ARHGAP35: variants seen among roughly 807,000 people sequenced by gnomAD.
The protein encoded by ARHGAP35 is Rho GTPase activating protein 35.
Under a neutral mutation model 111.1 loss-of-function variants are expected in ARHGAP35, and 15 were observed. The observed-to-expected ratio is 0.13, with a 90% CI of 0.09 to 0.21. The LOEUF (loss-of-function observed/expected upper bound fraction) is 0.21. Among genes scored for constraint, ARHGAP35 ranks in the 10% least tolerant of loss-of-function variants. ARHGAP35 has a pLI of 1.00. For synonymous variants in ARHGAP35, 643 were observed against 710.3 expected (o/e 0.91, Z 1.51); for missense variants, 1,262 against 1,873.0 (o/e 0.67, Z 6.02).
chr19:46,876,376 A>T (rs990436181), intron 1 of ARHGAP35, among the ~76,000 whole-genome samples: 8 of 147,814 alleles, frequency 5.4e-5, no homozygotes, highest in South Asian at 2.2e-4. Flanking sequence ...TTTTTTTTAA[A>T]TTTTTTTTTT....
Position 46,935,633 on chromosome 19 carries a change from G to A in ARHGAP35, c.3682-1631G>A, listed in dbSNP as rs563243954. ...AATCCCTAAATACTTTAGGTTTATG[G>A]GCTGTGCACATTTCTGAGTAAATCT... is the stretch of plus-strand genomic sequence containing the variant. On this transcript the variant is annotated intron_variant, in intron 2 of 6. Coordinates refer to ENST00000672722, the MANE Select transcript of ARHGAP35 (RefSeq NM_004491.5). Among the ~76,000 whole-genome samples, 4 of 152,302 alleles carry A rather than the reference G, an allele frequency of 2.6e-5. No individual in the cohort carries two copies. In the East Asian group the frequency reaches 7.7e-4, roughly 29 times the overall value.
At chr19:46,910,735 A>G (rs1263260910) in intron 1 of ARHGAP35, among the ~76,000 whole-genome samples, 1 of 151,970 alleles carries the variant, frequency 6.6e-6, no homozygotes, top group African/African-American at 2.4e-5. Context: ...GACAACAGGT[A>G]TGCATCACCA....
rs745472938 is a variant in ARHGAP35 at position 46,920,793 on chromosome 19, A to G, written c.2118A>G (p.Arg706=). Residue 706 remains arginine (R), a synonymous_variant, in exon 2 of 7, where the codon AGA becomes AGG. Transcript: ENST00000672722. The surrounding 1 kb of genome is among the most constrained non-coding windows in gnomAD (Gnocchi z 7.0). The part of the protein sequence containing the change: ...LPLTLILVNK[R]GDTSGETLHS... Reference sequence around the variant, plus strand: ...TTACATTAATTTTGGTTAACAAGAGAGGAGACACCAGTGGAGAGACTCTGC... The same window carrying G: ...TTACATTAATTTTGGTTAACAAGAGGGGAGACACCAGTGGAGAGACTCTGC... The G allele has an allele frequency of 6.2e-7, 1 of 1,609,942 alleles. No individual in the cohort carries two copies. Among genetic ancestry groups the G allele is most frequent in the Non-Finnish European group, 8.5e-7 (1 of 1,177,818 alleles).
At chr19:46,959,693 C>T (rs2056465704) in intron 3 of ARHGAP35, among the ~76,000 whole-genome samples, 1 of 152,022 alleles carries the variant, frequency 6.6e-6, no homozygotes, top group Non-Finnish European at 1.5e-5. Context: ...AGCCACTGCA[C>T]CCACCCAAAA....
intron 3 of ARHGAP35, among the ~76,000 whole-genome samples, chr19:46,967,855 A>C (rs1392268546): frequency 6.6e-6 from 1 of 151,252 alleles, no homozygotes; most frequent in Non-Finnish European, 1.5e-5. Flanking sequence ...TCCTTCTCTG[A>C]TCTGCTCTGT....
intron 1 of ARHGAP35, among the ~76,000 whole-genome samples, chr19:46,907,992 G>GAAAT (rs2056119543): frequency 6.6e-6 from 1 of 152,120 alleles, no homozygotes; most frequent in Non-Finnish European, 1.5e-5. Flanking sequence ...ATGCCATCAG[G>GAAAT]AAATAGTAAG....
chr19:46,957,359 A>G (rs2056445609), intron 3 of ARHGAP35, among the ~76,000 whole-genome samples: 1 of 152,172 alleles, frequency 6.6e-6, no homozygotes, highest in African/African-American at 2.4e-5. Context: ...CACAGTGACC[A>G]TCCCAGTGCT....
rs1180685906 is a variant in ARHGAP35, at chr19:46,919,736, A to G, written c.1061A>G (p.Asn354Ser). The G allele has an allele frequency of 6.2e-7, 1 of 1,613,898 alleles. No homozygotes were observed. The highest frequency in any genetic ancestry group is 1.3e-5 in the African/African-American group (1 of 74,926). The change falls in exon 2 of 7, where the codon AAT becomes AGT. Residue 354 changes from asparagine to serine, a missense_variant. This residue lies in a region of ARHGAP35 where 328 missense variants were observed against 440.8 expected (regional missense o/e 0.74). Coordinates refer to ENST00000672722, the MANE Select transcript of ARHGAP35 (RefSeq NM_004491.5). This position sits in a 1 kb window ranked among gnomAD's most constrained non-coding sequence, Gnocchi z 6.2. ...LPLAFEALIP[N>S]LDEIDHLSCI... ...TTAGCTTTTGAAGCTCTTATACCTA[A>G]TCTAGATGAAATAGACCACCTAAGC... is the stretch of plus-strand genomic sequence containing the variant.
intron 1 of ARHGAP35, among the ~76,000 whole-genome samples, chr19:46,873,214 C>T (rs1325801766): frequency 7.9e-5 from 12 of 152,132 alleles, no homozygotes; most frequent in Admixed American, 5.9e-4. Flanking sequence ...TGCTTTCGCC[C>T]AGTGTGATCT....
chr19:46,958,154 C>A (rs1017830192), intron 3 of ARHGAP35, among the ~76,000 whole-genome samples: 3 of 152,066 alleles, frequency 2.0e-5, no homozygotes, highest in Non-Finnish European at 4.4e-5. Flanking sequence ...GAGGCCGAGG[C>A]GGGCGGATCA....
intron 1 of ARHGAP35, among the ~76,000 whole-genome samples, chr19:46,888,809 C>G (rs866257374): frequency 1.6e-5 from 2 of 129,030 alleles, no homozygotes; most frequent in African/African-American, 3.0e-5. Context: ...CTGGCTAACA[C>G]GGTGAAACTC....
intron 1 of ARHGAP35, among the ~76,000 whole-genome samples, chr19:46,898,078 C>A (rs963691487): frequency 6.6e-6 from 1 of 151,990 alleles, no homozygotes; most frequent in African/African-American, 2.4e-5. Flanking sequence ...CCTGTCTCTA[C>A]TAAAAATACA....
intron 3 of ARHGAP35, among the ~76,000 whole-genome samples, chr19:46,974,454 T>C (rs2056568754): frequency 6.6e-6 from 1 of 152,154 alleles, no homozygotes; most frequent in Non-Finnish European, 1.5e-5. Flanking sequence ...AGAAAACGCT[T>C]AACATACATT....
At chr19:46,866,133 G>A (rs911340285) in intron 1 of ARHGAP35, among the ~76,000 whole-genome samples, 3 of 152,156 alleles carry the variant, frequency 2.0e-5, no homozygotes, top group Admixed American at 6.6e-5. Flanking sequence ...GAGCTACTGC[G>A]CCTGGCCTGT....
intron 3 of ARHGAP35, among the ~76,000 whole-genome samples, chr19:46,982,728 A>T (rs754900337): frequency 2.8e-4 from 43 of 152,126 alleles, no homozygotes; most frequent in Non-Finnish European, 5.3e-4. Flanking sequence ...CAGCAGCAGC[A>T]TCATCTGGGA....
At chr19:46,975,364 C>T (rs923704876) in intron 3 of ARHGAP35, among the ~76,000 whole-genome samples, 6 of 152,074 alleles carry the variant, frequency 3.9e-5, no homozygotes, top group African/African-American at 1.2e-4. Context: ...TCTGAGGGTG[C>T]GCAGGAGAGG....
In ARHGAP35 at chr19:47,003,372, G is replaced by A. The variant is rs1425735289; in HGVS notation, c.*2684G>A. On this transcript the variant is annotated 3_prime_UTR_variant, in exon 7 of 7. Coordinates refer to ENST00000672722, the MANE Select transcript of ARHGAP35 (RefSeq NM_004491.5). ...GCACTGGGTGGGAGGGCGTTGGCTT[G>A]TCCAGAATGGGGACGTGGGGCAGCC... 3 of 152,364 alleles carry A rather than the reference G, an allele frequency of 2.0e-5. No individual in the cohort carries two copies. The highest frequency in any genetic ancestry group is 2.9e-5 in the Non-Finnish European group (2 of 68,158). The allele number at this position is 152,364 out of a possible 1,614,324, so 9.4% of individuals were successfully genotyped here. A position where few individuals can be genotyped will look rare whatever the true frequency, so the allele number is the denominator to read the frequency against.
chr19:46,940,484 C>T (rs1046465511), intron 3 of ARHGAP35, among the ~76,000 whole-genome samples: 2 of 152,028 alleles, frequency 1.3e-5, no homozygotes, highest in Non-Finnish European at 2.9e-5. Context: ...GCCGAGATCA[C>T]GCCACTGCAC....
At chr19:46,978,976 T>A (rs2056603830) in intron 3 of ARHGAP35, among the ~76,000 whole-genome samples, 1 of 111,248 alleles carries the variant, frequency 9.0e-6, no homozygotes, top group Admixed American at 1.0e-4. Flanking sequence ...GGAAAGTGTG[T>A]GTGTGGTGGG....
Sources: allele counts gnomAD v4.1 joint callset (sites outside exome capture counted in the v4.1 genomes callset), GRCh38; gene constraint gnomAD v4.1.1; regional missense constraint gnomAD v4.1.1; non-coding constraint Gnocchi (gnomAD v3.1); transcripts MANE v1.5; gene names NCBI Gene and HGNC (gene_info 2026-07-23, HGNC 2026-07-21).